The following ARHGAP44 variants were observed in gnomAD, a reference collection of about 807,000 sequenced individuals.
ARHGAP44 encodes the protein rho GTPase-activating protein 44.
A neutral mutation model predicts 106.8 loss-of-function variants in ARHGAP44; 43 were observed. The ratio of observed to expected loss-of-function variants is 0.40; its 90% CI spans 0.32 to 0.52. The LOEUF (loss-of-function observed/expected upper bound fraction) is 0.52, where lower values mean the gene tolerates loss of function less well. Among genes scored for constraint, ARHGAP44 ranks in the 20% least tolerant of loss-of-function variants. The pLI, the probability that ARHGAP44 is intolerant of heterozygous loss-of-function variation, is 0.48. For missense variants in ARHGAP44, 866 were observed against 1,050.5 expected (o/e 0.82, Z 2.43); for synonymous variants, 439 against 410.3 (o/e 1.07, Z -0.85).
At position 12,894,894 on chromosome 17, in the gene ARHGAP44, C is replaced by G. The variant is rs143790680; in HGVS notation, c.54-46C>G. The G allele has an allele frequency of 3.1e-5, 47 of 1,536,072 alleles. No homozygotes were observed. In the African/African-American group the frequency reaches 6.0e-4, roughly 20 times the overall value. Reference sequence around the variant, plus strand: ...GAGATTAGGGAGTAATTATGAGGCTCTGTTGTTAGTTTTGTTACTGATATG... The same window carrying G: ...GAGATTAGGGAGTAATTATGAGGCTGTGTTGTTAGTTTTGTTACTGATATG... On this transcript the variant is annotated intron_variant, in intron 1 of 20. Transcript: ENST00000379672.
chr17:12,900,897 A>G (rs887595928), intron 3 of ARHGAP44, among the ~76,000 whole-genome samples: 6 of 147,542 alleles, frequency 4.1e-5, no homozygotes, highest in African/African-American at 1.3e-4. Context: ...GTTCCGAGAG[A>G]CAGGAGAAAG....
At chr17:12,830,841 G>C (rs1286638213) in intron 1 of ARHGAP44, among the ~76,000 whole-genome samples, 6 of 152,158 alleles carry the variant, frequency 3.9e-5, no homozygotes, top group African/African-American at 1.4e-4. Flanking sequence ...AGCTTAGCTT[G>C]TATCCCTTAG....
Position 12,789,795 on chromosome 17 carries a change from C to T in ARHGAP44, c.-44C>T, listed in dbSNP as rs2033677004. 6.7e-7 allele frequency: 1 copy of T among 1,483,982 alleles called. No homozygotes were observed. The highest frequency in any genetic ancestry group is 1.5e-5 in the African/African-American group (1 of 68,106). 91.9% of individuals were successfully genotyped at this position (1,483,982 alleles called of 1,614,324 possible). On this transcript the variant is annotated 5_prime_UTR_variant, in exon 1 of 21. Coordinates refer to ENST00000379672, the MANE Select transcript of ARHGAP44 (RefSeq NM_014859.6). ...ACCCTGCGGCGGGCTCCGGGCTGCT[C>T]CGTCCTTCCCCAGCTCCCGGGCTAG...
At chr17:12,838,173 T>C (rs1238600215) in intron 1 of ARHGAP44, among the ~76,000 whole-genome samples, 1 of 152,218 alleles carries the variant, frequency 6.6e-6, no homozygotes, top group Admixed American at 6.5e-5. Flanking sequence ...TTGCTAACAC[T>C]ATCCTTGTCA....
intron 1 of ARHGAP44, among the ~76,000 whole-genome samples, chr17:12,877,606 C>T (rs35953496): frequency 0.086 from 13,078 of 152,004 alleles, 745 homozygotes; most frequent in Middle Eastern, 0.14. Context: ...AAAAATTAGC[C>T]GGGCGAGGTG....
intron 1 of ARHGAP44, among the ~76,000 whole-genome samples, chr17:12,865,706 G>C (rs548429628): frequency 1.3e-5 from 2 of 151,108 alleles, no homozygotes; most frequent in Non-Finnish European, 2.9e-5. Flanking sequence ...GGAGAATGGC[G>C]TGAACCTGGG....
At chr17:12,836,210 C>T (rs2035233037) in intron 1 of ARHGAP44, among the ~76,000 whole-genome samples, 1 of 152,090 alleles carries the variant, frequency 6.6e-6, no homozygotes, top group Non-Finnish European at 1.5e-5. Context: ...GACAGAAATG[C>T]TTGAAGAGCA....
chr17:12,920,616 C>T (rs974183693), intron 6 of ARHGAP44, among the ~76,000 whole-genome samples: 4 of 151,754 alleles, frequency 2.6e-5, no homozygotes, highest in Admixed American at 6.6e-5. Context: ...ATGGCTGGGG[C>T]GGAAGGAGCA....
chr17:12,928,659 A>G (rs1387447722), intron 6 of ARHGAP44, among the ~76,000 whole-genome samples: 1 of 152,176 alleles, frequency 6.6e-6, no homozygotes, highest in Non-Finnish European at 1.5e-5. Flanking sequence ...TAGTGTTTGG[A>G]AGACAATAGA....
chr17:12,835,534 G>C (rs745769711), intron 1 of ARHGAP44, among the ~76,000 whole-genome samples: 2 of 152,122 alleles, frequency 1.3e-5, no homozygotes, highest in Non-Finnish European at 2.9e-5. Context: ...ATGAGTATTT[G>C]TGATTTGGAG....
chr17:12,980,195 A>G lies in ARHGAP44; in HGVS notation c.1901A>G (p.Gln634Arg). 1 of 1,612,610 alleles carries G rather than the reference A, an allele frequency of 6.2e-7. No homozygotes were observed. The highest frequency in any genetic ancestry group is 1.3e-5 in the African/African-American group (1 of 74,306). Residue 634 changes from glutamine to arginine, a missense_variant, in exon 19 of 21, where the codon CAG (glutamine) becomes CGG (arginine). By Grantham distance (43) the Gln-to-Arg change is conservative (BLOSUM62 1). Transcript: ENST00000379672. The part of the protein sequence containing the change: ...AQPGASPSPS[Q>R]PPADQSPHTL... ...CCGGGCGCCAGCCCCAGCCCCAGCC[A>G]GCCGCCTGCAGACCAGAGTCCTCAC...
At chr17:12,830,798 C>T (rs1597903795) in intron 1 of ARHGAP44, among the ~76,000 whole-genome samples, 1 of 152,076 alleles carries the variant, frequency 6.6e-6, no homozygotes, top group African/African-American at 2.4e-5. Flanking sequence ...TGGTGTTTTG[C>T]TTAATTTACA....
chr17:12,986,964 A>C (rs997430609), intron 20 of ARHGAP44: 2 of 756,544 alleles, frequency 2.6e-6, no homozygotes, highest in African/African-American at 1.8e-5. Context: ...TCTCTGAGCC[A>C]GTGTAGAATC....
intron 1 of ARHGAP44, among the ~76,000 whole-genome samples, chr17:12,858,742 T>G (rs1360885105): frequency 6.6e-6 from 1 of 152,098 alleles, no homozygotes; most frequent in Non-Finnish European, 1.5e-5. Flanking sequence ...GGCCTTTGTA[T>G]TAGTACATTT....
intron 1 of ARHGAP44, among the ~76,000 whole-genome samples, chr17:12,894,179 TTGA>T (rs1405760430): frequency 2.6e-5 from 4 of 152,196 alleles, no homozygotes; most frequent in African/African-American, 4.8e-5. Flanking sequence ...CTCTTAAATC[TTGA>T]TGATTTGTTT....
chr17:12,979,727 G>T (rs1204126117), intron 18 of ARHGAP44, among the ~76,000 whole-genome samples: 1 of 152,214 alleles, frequency 6.6e-6, no homozygotes, highest in Non-Finnish European at 1.5e-5. Context: ...TTCCTGGGTT[G>T]ATGGCAGGAT....
At chr17:12,802,749 A>G (rs796109400) in intron 1 of ARHGAP44, among the ~76,000 whole-genome samples, 4 of 101,754 alleles carry the variant, frequency 3.9e-5, no homozygotes, top group Non-Finnish European at 6.2e-5. Flanking sequence ...ATTCTTTTTT[A>G]TTTCTTTTTT....
chr17:12,812,127 A>G (rs2034457885), intron 1 of ARHGAP44, among the ~76,000 whole-genome samples: 1 of 152,192 alleles, frequency 6.6e-6, no homozygotes, highest in Non-Finnish European at 1.5e-5. Context: ...AGGCAAACAA[A>G]CATGAGTAAG....
At chr17:12,925,082 C>T (rs2038193376) in intron 6 of ARHGAP44, among the ~76,000 whole-genome samples, 1 of 152,080 alleles carries the variant, frequency 6.6e-6, no homozygotes, top group Non-Finnish European at 1.5e-5. Context: ...CGTCTCTCAC[C>T]CCTCCCCATA....
Sources: allele counts gnomAD v4.1 joint callset (sites outside exome capture counted in the v4.1 genomes callset), GRCh38; gene constraint gnomAD v4.1.1; transcripts MANE v1.5; gene names NCBI Gene and HGNC (gene_info 2026-07-23, HGNC 2026-07-21).